Variants in PREX1 observed in about 807,000 individuals in gnomAD.
The protein encoded by PREX1 is phosphatidylinositol-3,4,5-trisphosphate dependent Rac exchange factor 1.
In PREX1, 41 loss-of-function variants were observed where a neutral mutation model predicts 198.3. The observed-to-expected ratio is 0.21, with a 90% confidence interval of 0.16 to 0.27. PREX1 has a LOEUF of 0.27. Ranked by LOEUF, PREX1 falls within the 10% of genes least tolerant of loss-of-function variation. The probability of loss-of-function intolerance (pLI) is 1.00; values close to 1 mark genes in which losing one functional copy is unlikely to be tolerated. For synonymous variants in PREX1, 843 were observed against 887.2 expected, an observed-to-expected ratio of 0.95 and a Z score of 0.89; for missense variants, 1,620 against 2,200.7, an observed-to-expected ratio of 0.74 and a Z score of 5.28.
Position 48,688,689 on chromosome 20 carries a change from C to T in PREX1, c.1302G>A (p.Lys434=). 6.2e-7 allele frequency: 1 copy of T among 1,614,194 alleles called. No individual in the cohort carries two copies. Among genetic ancestry groups the T allele is most frequent in the Non-Finnish European group, 8.5e-7 (1 of 1,180,034 alleles). The part of the protein sequence containing the change: ...KVNLIKDRRR[K]LSTVPKCFLG... The stretch of plus-strand genomic sequence containing the variant: ...GAAAGCACTTGGGGACAGTGCTCAG[C>T]TTTCTCCGGCGGTCCTTGATGAGGT... The change falls in exon 10 of 40, where the codon AAG becomes AAA. Residue 434 remains lysine, a synonymous_variant. Coordinates refer to ENST00000371941, the MANE Select transcript of PREX1 (RefSeq NM_020820.4).
At chr20:48,840,337 A>AG in the PREX1 span, among the ~76,000 whole-genome samples, 5 of 134,028 alleles carry the variant, frequency 3.7e-5, no homozygotes, top group African/African-American at 1.4e-4. Context: ...ATTAACCTTA[A>AG]CCAAAAAAAA....
chr20:48,701,016 A>G, intron 6 of PREX1, 130 bp from the exon 7 acceptor site: 2 of 1,253,726 alleles, frequency 1.6e-6, no homozygotes, highest in South Asian at 2.7e-5. Flanking sequence ...CAATGGACAG[A>G]AAATCAACAC....
intron 7 of PREX1, among the ~76,000 whole-genome samples, chr20:48,693,816 G>C (rs535308512): frequency 6.6e-6 from 1 of 151,826 alleles, no homozygotes; most frequent in African/African-American, 2.4e-5. Context: ...CACTGTGTTA[G>C]CCAGGATGGT....
intron 3 of PREX1, among the ~76,000 whole-genome samples, chr20:48,741,612 C>G (rs960719892): frequency 2.6e-5 from 4 of 152,128 alleles, no homozygotes; most frequent in Non-Finnish European, 5.9e-5. Flanking sequence ...TAGGGAGAGA[C>G]AGACAATAAG....
chr20:48,886,998 C>T, the PREX1 span, among the ~76,000 whole-genome samples: 1 of 152,206 alleles, frequency 6.6e-6, no homozygotes, highest in African/African-American at 2.4e-5. Context: ...TCACAACCAT[C>T]GGAGGTAGGT....
rs1188665874 is a variant in PREX1, at chr20:48,696,979, C to CAT, written c.917+3773_917+3774insAT. ...CAACTGCTTATTATAAATCTCTTTA[C>CAT]ACACACACACACACACACACACACC... On this transcript the variant is annotated intron_variant, in intron 7 of 39. Transcript: ENST00000371941. 8.0e-5 allele frequency among the ~76,000 whole-genome samples: 6 copies of CAT among 75,194 alleles called. No individual in the cohort carries two copies. In the South Asian group the frequency reaches 1.1e-3, roughly 14 times the overall value. The allele number at this position is 75,194 out of a possible 152,430, so 49.3% of individuals were successfully genotyped here. A position where few individuals can be genotyped will look rare whatever the true frequency, so the allele number is the denominator to read the frequency against.
chr20:48,870,603 A>G, the PREX1 span, among the ~76,000 whole-genome samples: 3 of 152,326 alleles, frequency 2.0e-5, no homozygotes, highest in South Asian at 6.2e-4. Flanking sequence ...CACATCCACC[A>G]AGTGCCCTGC....
intron 16 of PREX1, among the ~76,000 whole-genome samples, chr20:48,658,878 C>T (rs2089566658): frequency 6.6e-6 from 1 of 151,904 alleles, no homozygotes; most frequent in South Asian, 2.1e-4. Context: ...CTCCAGGCAG[C>T]AGACACAGCA....
chr20:48,709,760 G>A (rs1158008495), intron 5 of PREX1, among the ~76,000 whole-genome samples: 2 of 152,172 alleles, frequency 1.3e-5, no homozygotes, highest in Admixed American at 6.5e-5. Flanking sequence ...CAATATATGC[G>A]AGCCATTAGC....
At chr20:48,799,050 A>T (rs2123002127) in intron 1 of PREX1, among the ~76,000 whole-genome samples, 1 of 152,066 alleles carries the variant, frequency 6.6e-6, no homozygotes, top group Admixed American at 6.5e-5. Context: ...CCCACAGCTA[A>T]TTTTTGTATT....
Position 48,649,391 on chromosome 20 carries a change from C to G in PREX1, c.3214G>C (p.Asp1072His). Residue 1072 changes from aspartate (D) to histidine (H), a missense_variant, in exon 25 of 40, where the codon GAC becomes CAC. This residue lies in a region of PREX1 where 514 missense variants were observed against 611.6 expected (regional missense o/e 0.84). Coordinates refer to ENST00000371941, the MANE Select transcript of PREX1 (RefSeq NM_020820.4). ...RGLSFLLKQE[D>H]REIQDAYLQL... ...AGGTAGGCATCCTGGATCTCACGGT[C>G]CTCCTGCTTGAGTAGGAAGCTGAGG... 6.2e-7 allele frequency: 1 copy of G among 1,614,188 alleles called. No homozygotes were observed. The highest frequency in any genetic ancestry group is 1.3e-5 in the African/African-American group (1 of 75,046).
At chr20:48,762,265 G>T (rs138915877) in intron 1 of PREX1, among the ~76,000 whole-genome samples, 1 of 152,118 alleles carries the variant, frequency 6.6e-6, no homozygotes, top group African/African-American at 2.4e-5. Context: ...CTCCTCAGTT[G>T]TTGATTTTTT....
upstream of PREX1, among the ~76,000 whole-genome samples, chr20:48,828,830 A>T (rs530362549): frequency 5.9e-5 from 9 of 152,026 alleles, no homozygotes; most frequent in Non-Finnish European, 1.0e-4. Context: ...CACCCACCCC[A>T]TGGGATAAGG....
upstream of PREX1, among the ~76,000 whole-genome samples, chr20:48,830,100 C>T (rs750915039): frequency 3.9e-5 from 6 of 152,136 alleles, no homozygotes; most frequent in African/African-American, 7.2e-5. Context: ...ACAGTGGCTC[C>T]GGCCTCTAAT....
the PREX1 span, among the ~76,000 whole-genome samples, chr20:48,885,436 T>C: frequency 6.6e-6 from 1 of 152,182 alleles, no homozygotes; most frequent in African/African-American, 2.4e-5. Flanking sequence ...CAACAGAAAC[T>C]CTCATTCATT....
At chr20:48,849,942 G>T in the PREX1 span, among the ~76,000 whole-genome samples, 6,677 of 152,202 alleles carry the variant, frequency 0.044, 237 homozygotes, top group African/African-American at 0.091. Flanking sequence ...AGATGTTCTG[G>T]GTTCATATCA....
intron 32 of PREX1, among the ~76,000 whole-genome samples, chr20:48,635,085 TA>T (rs1426089282): frequency 6.6e-6 from 1 of 152,196 alleles, no homozygotes; most frequent in East Asian, 1.9e-4. Context: ...CACACTCAAA[TA>T]AAAGTCCCCA....
the PREX1 span, among the ~76,000 whole-genome samples, chr20:48,838,764 A>G: frequency 6.6e-6 from 1 of 152,172 alleles, no homozygotes; most frequent in Non-Finnish European, 1.5e-5. Context: ...ACAGTGCCTC[A>G]TGCCTGTAAT....
chr20:48,689,686 C>G (rs1450439687), intron 9 of PREX1, among the ~76,000 whole-genome samples: 1 of 152,234 alleles, frequency 6.6e-6, no homozygotes, highest in Non-Finnish European at 1.5e-5. Flanking sequence ...CAGCCCCGAT[C>G]AATTTCAGAA....
Sources: allele counts gnomAD v4.1 joint callset (sites outside exome capture counted in the v4.1 genomes callset), GRCh38; gene constraint gnomAD v4.1.1; regional missense constraint gnomAD v4.1.1; transcripts MANE v1.5; gene names NCBI Gene and HGNC (gene_info 2026-07-23, HGNC 2026-07-21).